Variants in EPHA3 observed in about 807,000 individuals in gnomAD.
EPHA3 encodes EPH receptor A3, also known as ephrin type-A receptor 3.
EPHA3 carries 42 observed loss-of-function variants against 107.1 expected under a neutral mutation model. That is an observed-to-expected ratio of 0.39 (90% CI 0.31 to 0.51). EPHA3 has a LOEUF of 0.51. Among genes scored for constraint, EPHA3 ranks in the 20% least tolerant of loss-of-function variants. EPHA3 has a pLI of 0.78. For missense variants in EPHA3, 1,183 were observed against 1,211.2 expected, an observed-to-expected ratio of 0.98 and a Z score of 0.35; for synonymous variants, 461 against 424.8, an observed-to-expected ratio of 1.09 and a Z score of -1.05.
intron 15 of EPHA3, among the ~76,000 whole-genome samples, chr3:89,451,641 A>G (rs1402008798): frequency 1.3e-5 from 2 of 152,128 alleles, no homozygotes; most frequent in Non-Finnish European, 2.9e-5. Flanking sequence ...GTTCAATAGT[A>G]TCTTGATTGG....
At chr3:89,193,372 T>C (rs1021993020) in intron 2 of EPHA3, among the ~76,000 whole-genome samples, 3 of 152,018 alleles carry the variant, frequency 2.0e-5, no homozygotes, top group African/African-American at 4.8e-5. Flanking sequence ...ATGGGAACAA[T>C]TGTTACAATT....
At chr3:89,474,173 T>A (rs2107576759) in intron 16 of EPHA3, among the ~76,000 whole-genome samples, 1 of 152,266 alleles carries the variant, frequency 6.6e-6, no homozygotes, top group Non-Finnish European at 1.5e-5. Flanking sequence ...AGTTTATAAT[T>A]TATGGTGTAA....
chr3:89,431,467 T>G, intron 13 of EPHA3, 108 bp downstream of exon 13: 1 of 810,210 alleles, frequency 1.2e-6, no homozygotes. Context: ...CAATTATGCT[T>G]TCCACAATAG....
chr3:89,346,702 T>C (rs925768180), intron 5 of EPHA3, among the ~76,000 whole-genome samples: 9 of 149,576 alleles, frequency 6.0e-5, no homozygotes, highest in African/African-American at 1.2e-4. Context: ...CATGCCTATG[T>C]CCTGAATGGT....
intron 5 of EPHA3, among the ~76,000 whole-genome samples, chr3:89,361,359 T>A (rs1708087289): frequency 6.6e-6 from 1 of 150,844 alleles, no homozygotes; most frequent in South Asian, 2.1e-4. Context: ...CCACAGATGT[T>A]CAGTACATGA....
rs547263154 is a variant in EPHA3 at position 89,240,941 on chromosome 3, A to C, written c.814+30421A>C. 4.6e-5 allele frequency among the ~76,000 whole-genome samples: 7 copies of C among 152,220 alleles called. No homozygotes were observed. The East Asian group carries it at 1.4e-3, about 29-fold the overall frequency. Reference sequence around the variant, plus strand: ...AATAAAATAACACAGTACATCTTGAAAATTAAGGACATGGATTAAAATAAT... The same window carrying C: ...AATAAAATAACACAGTACATCTTGACAATTAAGGACATGGATTAAAATAAT... On this transcript the variant is annotated intron_variant, in intron 3 of 16. Transcript: ENST00000336596.
At chr3:89,311,586 T>C (rs1483515902) in intron 3 of EPHA3, among the ~76,000 whole-genome samples, 1 of 152,082 alleles carries the variant, frequency 6.6e-6, no homozygotes, top group Non-Finnish European at 1.5e-5. Flanking sequence ...TGCTCAAGTT[T>C]AACATTCTCT....
intron 2 of EPHA3, among the ~76,000 whole-genome samples, chr3:89,199,490 C>T (rs907129879): frequency 2.8e-5 from 4 of 142,646 alleles, no homozygotes; most frequent in Non-Finnish European, 4.6e-5. Context: ...ATGTTGTCTC[C>T]CTATGTTATA....
intron 3 of EPHA3, among the ~76,000 whole-genome samples, chr3:89,278,653 A>G (rs1705868253): frequency 1.3e-5 from 2 of 152,144 alleles, no homozygotes; most frequent in Non-Finnish European, 2.9e-5. Flanking sequence ...ACAGGTACAC[A>G]AATTAGGAAT....
chr3:89,177,336 T>G (rs779258058), intron 2 of EPHA3, among the ~76,000 whole-genome samples: 1 of 152,146 alleles, frequency 6.6e-6, no homozygotes, highest in Non-Finnish European at 1.5e-5. Context: ...TGTTAAAATC[T>G]CTGGGGGACA....
rs148360034 is a variant in EPHA3 at position 89,281,390 on chromosome 3, A to C, written c.815-59526A>C. On this transcript the variant is annotated intron_variant, in intron 3 of 16. Transcript: ENST00000336596. ...AGAGAGGGTAAGTATCTTGCCCAAGACCAAAAACCACTAGCAGATTTCTGA... is the reference window on the plus strand; with the variant it reads ...AGAGAGGGTAAGTATCTTGCCCAAGCCCAAAAACCACTAGCAGATTTCTGA... Among the ~76,000 whole-genome samples the C allele has an allele frequency of 3.5e-4, 53 of 152,258 alleles. 1 individual carries two copies. The East Asian group carries it at 9.7e-3, about 28-fold the overall frequency.
chr3:89,271,753 A>T (rs1027816860), intron 3 of EPHA3, among the ~76,000 whole-genome samples: 1 of 152,048 alleles, frequency 6.6e-6, no homozygotes, highest in Non-Finnish European at 1.5e-5. Flanking sequence ...AATACCAGGA[A>T]GAAAAAGAAA....
intron 13 of EPHA3, among the ~76,000 whole-genome samples, chr3:89,437,857 A>G (rs1453293030): frequency 6.6e-6 from 1 of 152,160 alleles, no homozygotes; most frequent in African/African-American, 2.4e-5. Flanking sequence ...TAATTACCAC[A>G]TAAACTGAGT....
At chr3:89,239,795 G>C (rs1704852362) in intron 3 of EPHA3, among the ~76,000 whole-genome samples, 2 of 152,162 alleles carry the variant, frequency 1.3e-5, no homozygotes. Flanking sequence ...CATAGGTTGA[G>C]CCTTTCTGAC....
At chr3:89,137,634 G>T (rs1468005818) in intron 2 of EPHA3, among the ~76,000 whole-genome samples, 1 of 151,754 alleles carries the variant, frequency 6.6e-6, no homozygotes, top group Non-Finnish European at 1.5e-5. Context: ...TACATATGAT[G>T]CTCACTTTAT....
chr3:89,432,692 A>C (rs1329149461), intron 13 of EPHA3, among the ~76,000 whole-genome samples: 1 of 152,174 alleles, frequency 6.6e-6, no homozygotes, highest in Non-Finnish European at 1.5e-5. Context: ...AATTATTAGC[A>C]TTTTAAATTT....
chr3:89,279,869 A>T lies in EPHA3; in HGVS notation c.815-61047A>T, dbSNP rs549151760. ...GCTGCATTGGGAAAAGCCACTCTAAATATAACACAAAAAGAAGGTAATTAC... is the reference window on the plus strand; with the variant it reads ...GCTGCATTGGGAAAAGCCACTCTAATTATAACACAAAAAGAAGGTAATTAC... On this transcript the variant is annotated intron_variant, in intron 3 of 16. Coordinates refer to ENST00000336596, the MANE Select transcript of EPHA3 (RefSeq NM_005233.6). 2.6e-5 allele frequency among the ~76,000 whole-genome samples: 4 copies of T among 152,344 alleles called. No homozygotes were observed. The East Asian group carries it at 5.8e-4, about 22-fold the overall frequency.
intron 14 of EPHA3, among the ~76,000 whole-genome samples, chr3:89,449,899 T>C (rs2107554335): frequency 6.6e-6 from 1 of 152,302 alleles, no homozygotes; most frequent in East Asian, 1.9e-4. Context: ...CCAAATTTGC[T>C]CTATCATTTA....
At chr3:89,417,136 T>G (rs752938820) in intron 10 of EPHA3, among the ~76,000 whole-genome samples, 20 of 151,562 alleles carry the variant, frequency 1.3e-4, no homozygotes, top group South Asian at 2.1e-4. Context: ...TTCAAGTACT[T>G]AACATACATT....
Sources: gnomAD v4.1 joint callset for allele counts (sites outside exome capture counted in the v4.1 genomes callset) on GRCh38, gnomAD v4.1.1 for gene constraint, MANE v1.5 for transcripts, NCBI Gene and HGNC (gene_info 2026-07-23, HGNC 2026-07-21) for gene names.